The following SH2D4A variants were observed in gnomAD, a reference collection of about 807,000 sequenced individuals.
SH2D4A encodes the protein SH2 domain containing 4A, also known as SH2 domain-containing protein 4A.
A neutral mutation model predicts 64.7 loss-of-function variants in SH2D4A; 70 were observed. The ratio of observed to expected loss-of-function variants is 1.08; its 90% CI spans 0.89 to 1.32. SH2D4A has a LOEUF of 1.32. Ranked by LOEUF, SH2D4A falls within the 40% of genes most tolerant of loss-of-function variation. The probability of loss-of-function intolerance (pLI) is 0.00; values close to 1 mark genes in which losing one functional copy is unlikely to be tolerated. For synonymous variants in SH2D4A, 268 were observed against 200.7 expected (o/e 1.34, Z -2.83); for missense variants, 706 against 540.1 (o/e 1.31, Z -3.04).
intron 8 of SH2D4A, among the ~76,000 whole-genome samples, chr8:19,377,210 C>T (rs555578574): frequency 2.0e-5 from 3 of 152,228 alleles, no homozygotes; most frequent in South Asian, 2.1e-4. Flanking sequence ...GTCAAGACCC[C>T]GTCTCTATTA....
chr8:19,335,324 C>T (rs1173184641), intron 4 of SH2D4A, among the ~76,000 whole-genome samples: 1 of 152,018 alleles, frequency 6.6e-6, no homozygotes, highest in Non-Finnish European at 1.5e-5. Flanking sequence ...TTGCTCATGT[C>T]ACTTGGGGGA....
At chr8:19,390,268 C>T (rs1161851237) in intron 8 of SH2D4A, among the ~76,000 whole-genome samples, 2 of 152,114 alleles carry the variant, frequency 1.3e-5, no homozygotes, top group Admixed American at 1.3e-4. Flanking sequence ...GTAATCCCAG[C>T]TACACAGGAG....
At chr8:19,356,393 C>G (rs926228103) in intron 4 of SH2D4A, among the ~76,000 whole-genome samples, 1 of 152,154 alleles carries the variant, frequency 6.6e-6, no homozygotes, top group African/African-American at 2.4e-5. Flanking sequence ...ATTAAGAACT[C>G]AGACACAAGG....
intron 4 of SH2D4A, among the ~76,000 whole-genome samples, chr8:19,344,313 G>C (rs1160031355): frequency 1.3e-5 from 2 of 152,084 alleles, no homozygotes. Context: ...TCACATTGTT[G>C]GCCAAATGAA....
chr8:19,390,406 T>A (rs1040229954), intron 8 of SH2D4A, among the ~76,000 whole-genome samples: 11 of 152,244 alleles, frequency 7.2e-5, no homozygotes, highest in African/African-American at 2.6e-4. Context: ...CAGTAATCAA[T>A]ATCTAACATT....
chr8:19,353,570 T>G (rs1563197932), intron 4 of SH2D4A, among the ~76,000 whole-genome samples: 1 of 152,016 alleles, frequency 6.6e-6, no homozygotes, highest in Non-Finnish European at 1.5e-5. Flanking sequence ...GGTTTCACCA[T>G]GTTGGCCAGG....
At chr8:19,361,358 T>C (rs1431017108) in intron 6 of SH2D4A, 44 bp downstream of exon 6, 1 of 1,548,288 alleles carries the variant, frequency 6.5e-7, no homozygotes, top group East Asian at 2.3e-5. Context: ...GGCTCTCAGC[T>C]GATTCTCTCC....
At chr8:19,370,433 C>A (rs2053075403) in intron 7 of SH2D4A, among the ~76,000 whole-genome samples, 1 of 151,918 alleles carries the variant, frequency 6.6e-6, no homozygotes, top group South Asian at 2.1e-4. Flanking sequence ...TAATTGAGTA[C>A]ATATATATTT....
At chr8:19,389,104 G>A (rs916490661) in intron 8 of SH2D4A, among the ~76,000 whole-genome samples, 11 of 152,212 alleles carry the variant, frequency 7.2e-5, no homozygotes, top group South Asian at 2.1e-4. Context: ...ATCAGGACAC[G>A]TCATGTTCTG....
At chr8:19,394,258 C>T (rs1470157563) in intron 9 of SH2D4A, among the ~76,000 whole-genome samples, 1 of 152,184 alleles carries the variant, frequency 6.6e-6, no homozygotes, top group Non-Finnish European at 1.5e-5. Context: ...CACTGCTCAC[C>T]TCCTGCTATA....
At chr8:19,315,107 A>G (rs1222706694) in intron 1 of SH2D4A, among the ~76,000 whole-genome samples, 2 of 151,738 alleles carry the variant, frequency 1.3e-5, no homozygotes, top group Non-Finnish European at 2.9e-5. Flanking sequence ...TTTTTTGGCC[A>G]TGTAAAACAC....
intron 8 of SH2D4A, among the ~76,000 whole-genome samples, chr8:19,383,493 TTC>T (rs2053334742): frequency 6.6e-6 from 1 of 152,106 alleles, no homozygotes; most frequent in South Asian, 2.1e-4. Flanking sequence ...CAGTGACAGT[TTC>T]TGATTTGTTT....
At chr8:19,387,693 C>G (rs560302093) in intron 8 of SH2D4A, among the ~76,000 whole-genome samples, 51 of 152,208 alleles carry the variant, frequency 3.4e-4, no homozygotes, top group Non-Finnish European at 6.8e-4. Context: ...GCCACAGTGC[C>G]TGGCTTCAAA....
intron 7 of SH2D4A, among the ~76,000 whole-genome samples, chr8:19,367,824 C>A (rs187033378): frequency 6.6e-6 from 1 of 152,070 alleles, no homozygotes; most frequent in East Asian, 1.9e-4. Flanking sequence ...ACCTATAATC[C>A]CAGCACTTTG....
chr8:19,387,394 C>G lies in SH2D4A; in HGVS notation c.1049-5924C>G, dbSNP rs887359543. On this transcript the variant is annotated intron_variant, in intron 8 of 9. Coordinates refer to ENST00000265807, the MANE Select transcript of SH2D4A (RefSeq NM_022071.4). Reference sequence around the variant, plus strand: ...GGAAATGCAGGTGTACACCACCACACCCAGCTAATAGTTTTTGTTGTTCTT... The same window carrying G: ...GGAAATGCAGGTGTACACCACCACAGCCAGCTAATAGTTTTTGTTGTTCTT... Among the ~76,000 whole-genome samples the G allele has an allele frequency of 2.0e-5, 3 of 150,630 alleles. No individual in the cohort carries two copies. The East Asian group carries it at 5.9e-4, about 29-fold the overall frequency.
intron 6 of SH2D4A, among the ~76,000 whole-genome samples, chr8:19,363,124 G>A (rs971422499): frequency 1.3e-5 from 2 of 152,042 alleles, no homozygotes; most frequent in Admixed American, 1.3e-4. Flanking sequence ...CACCCAGGCT[G>A]GAGTGCGATG....
At chr8:19,340,845 G>T (rs1455809750) in intron 4 of SH2D4A, among the ~76,000 whole-genome samples, 1 of 151,980 alleles carries the variant, frequency 6.6e-6, no homozygotes, top group Non-Finnish European at 1.5e-5. Flanking sequence ...TGATCCTCCT[G>T]TCTCAGCCTC....
At chr8:19,394,258 C>G (rs1470157563) in intron 9 of SH2D4A, among the ~76,000 whole-genome samples, 1 of 152,184 alleles carries the variant, frequency 6.6e-6, no homozygotes, top group African/African-American at 2.4e-5. Flanking sequence ...CACTGCTCAC[C>G]TCCTGCTATA....
intron 4 of SH2D4A, among the ~76,000 whole-genome samples, chr8:19,335,156 C>G (rs575622904): frequency 6.6e-6 from 1 of 151,956 alleles, no homozygotes. Context: ...GGCGTGGTGG[C>G]GGGCGCCTGC....
Sources: allele counts gnomAD v4.1 joint callset (sites outside exome capture counted in the v4.1 genomes callset), GRCh38; gene constraint gnomAD v4.1.1; transcripts MANE v1.5; gene names NCBI Gene and HGNC (gene_info 2026-07-23, HGNC 2026-07-21).